COL4A4: variants seen among roughly 807,000 people sequenced by gnomAD.
COL4A4 encodes collagen alpha-4(IV) chain.
COL4A4 carries 105 observed loss-of-function variants against 192.9 expected under a neutral mutation model. That is an observed-to-expected ratio of 0.54 (90% CI 0.46 to 0.64). The LOEUF (loss-of-function observed/expected upper bound fraction) is 0.64. Ranked by LOEUF, COL4A4 falls within the 30% of genes least tolerant of loss-of-function variation. The pLI is 0.00. For synonymous variants in COL4A4, 762 were observed against 769.9 expected (o/e 0.99, Z 0.17); for missense variants, 1,967 against 2,169.3 (o/e 0.91, Z 1.85).
At chr2:227,065,973 T>G (rs1256095890) in intron 25 of COL4A4, among the ~76,000 whole-genome samples, 1 of 152,104 alleles carries the variant, frequency 6.6e-6, no homozygotes, top group Non-Finnish European at 1.5e-5. Flanking sequence ...GTTGAAAACT[T>G]TGAAAAGAAT....
rs953617111 is a variant in COL4A4, at chr2:227,089,558, G to A, written c.1459+310C>T. Among the ~76,000 whole-genome samples the A allele has an allele frequency of 6.5e-5, 9 of 137,940 alleles. No homozygotes were observed. In the South Asian group the frequency reaches 2.1e-3, roughly 33 times the overall value. 90.5% of individuals were successfully genotyped at this position (137,940 alleles called of 152,430 possible). ...GACCTTGTGAGCAAAGTCACCATTT[G>A]CAGACAAAATTCATGGCAGGCAAAT... On this transcript the variant is annotated intron_variant, in intron 21 of 47. Transcript: ENST00000396625.
chr2:227,062,683 T>C (rs1576239136), intron 25 of COL4A4, 85 bp from the exon 26 acceptor site: 1 of 921,264 alleles, frequency 1.1e-6, no homozygotes, highest in Non-Finnish European at 1.8e-6. Flanking sequence ...TTCCTCAAGA[T>C]ATTTTTCTGT....
chr2:227,138,461 G>A (rs1366873593), intron 4 of COL4A4, among the ~76,000 whole-genome samples: 4 of 152,012 alleles, frequency 2.6e-5, no homozygotes, highest in South Asian at 2.1e-4. Flanking sequence ...GTGAAATCCC[G>A]TCTCTACTAA....
chr2:227,011,108 C>G lies in COL4A4; in HGVS notation c.4334-607G>C, dbSNP rs10184983. Among the ~76,000 whole-genome samples, 769 of 152,320 alleles carry G rather than the reference C, an allele frequency of 5.0e-3. 5 individuals are homozygous for G. The highest frequency in any genetic ancestry group is 0.018 in the African/African-American group (730 of 41,572). On this transcript the variant is annotated intron_variant, in intron 45 of 47. Coordinates refer to ENST00000396625, the MANE Select transcript of COL4A4 (RefSeq NM_000092.5). Reference sequence around the variant, plus strand: ...GCATTCTTGTTGGCAGATGGGAAATCAACAGTTCTAGAGAACGTGAGCAGG... The same window carrying G: ...GCATTCTTGTTGGCAGATGGGAAATGAACAGTTCTAGAGAACGTGAGCAGG...
intron 20 of COL4A4, among the ~76,000 whole-genome samples, chr2:227,091,131 G>A (rs2059897094): frequency 6.6e-6 from 1 of 151,916 alleles, no homozygotes; most frequent in Non-Finnish European, 1.5e-5. Context: ...ATCACAGCAA[G>A]CTATTTTAAT....
At chr2:227,031,532 T>C (rs1968401851) in intron 40 of COL4A4, among the ~76,000 whole-genome samples, 1 of 152,206 alleles carries the variant, frequency 6.6e-6, no homozygotes, top group Non-Finnish European at 1.5e-5. Context: ...CTGTTTCTTG[T>C]GTGCCACAAG....
chr2:227,052,490 C>T (rs981830587), intron 31 of COL4A4, 78 bp from the exon 32 acceptor site: 1 of 873,710 alleles, frequency 1.1e-6, no homozygotes, highest in Non-Finnish European at 1.9e-6. Context: ...CATTTCACTC[C>T]CAAATCGCAA....
intron 22 of COL4A4, among the ~76,000 whole-genome samples, chr2:227,087,104 C>G (rs575039309): frequency 6.6e-6 from 1 of 152,196 alleles, no homozygotes; most frequent in Non-Finnish European, 1.5e-5. Flanking sequence ...AGGGCTCTCT[C>G]CAGTCTCCAG....
At chr2:227,017,859 C>T (rs1302348228) in intron 44 of COL4A4, among the ~76,000 whole-genome samples, 3 of 151,994 alleles carry the variant, frequency 2.0e-5, no homozygotes, top group African/African-American at 7.3e-5. Context: ...TAGGTAAACT[C>T]ATGTCATGGA....
At chr2:227,042,039 A>T in intron 37 of COL4A4, 109 bp downstream of exon 37, 1 of 786,018 alleles carries the variant, frequency 1.3e-6, no homozygotes, top group East Asian at 2.4e-5. Flanking sequence ...TACGGAAAAG[A>T]GTGGTATAAC....
chr2:227,157,358 A>C (rs1220105089), intron 1 of COL4A4, among the ~76,000 whole-genome samples: 2 of 152,114 alleles, frequency 1.3e-5, no homozygotes, highest in Non-Finnish European at 2.9e-5. Flanking sequence ...AAAATCAAGA[A>C]TCAATTACCT....
intron 4 of COL4A4, among the ~76,000 whole-genome samples, chr2:227,138,269 G>A (rs2062952957): frequency 3.3e-5 from 5 of 152,046 alleles, no homozygotes; most frequent in Admixed American, 2.0e-4. Flanking sequence ...AGTGAGCCAA[G>A]ATCATGCCAT....
At chr2:226,977,019 T>G in the COL4A4 span, among the ~76,000 whole-genome samples, 1 of 152,206 alleles carries the variant, frequency 6.6e-6, no homozygotes, top group Non-Finnish European at 1.5e-5. Context: ...GGTTTACCCT[T>G]CAGGCTGGGA....
rs116590531 is a variant in COL4A4 at position 227,150,408 on chromosome 2, G to A, written c.-101-2824C>T. On this transcript the variant is annotated intron_variant, in intron 1 of 47. Coordinates refer to ENST00000396625, the MANE Select transcript of COL4A4 (RefSeq NM_000092.5). ...TAGTAAGTGGCAGAACCAGTTTGTT[G>A]ACTCCAGTGTGTGTCCCTTCTCCCT... Among the ~76,000 whole-genome samples the A allele has an allele frequency of 6.0e-3, 920 of 152,238 alleles. 6 individuals are homozygous for A. The highest frequency in any genetic ancestry group is 0.021 in the African/African-American group (870 of 41,550).
In COL4A4 at chr2:227,108,930, CTTTT is replaced by C. The variant is rs1252694932; in HGVS notation, c.658-66_658-63del. 4.7e-6 allele frequency: 7 copies of C among 1,497,710 alleles called. No homozygotes were observed. In the African/African-American group the frequency reaches 6.9e-5, roughly 15 times the overall value. 92.8% of individuals were successfully genotyped at this position (1,497,710 alleles called of 1,614,324 possible). ...AGACATAGAAATCAGAATGTGCCTTCTTTTGTTACCCCAAAATAGGGTCCTATTT... is the reference window on the plus strand; with the variant it reads ...AGACATAGAAATCAGAATGTGCCTTCGTTACCCCAAAATAGGGTCCTATTT... On this transcript the variant is annotated intron_variant, in intron 10 of 47. Transcript: ENST00000396625.
At chr2:227,108,722 G>T in intron 11 of COL4A4, 100 bp from the exon 12 acceptor site, 2 of 1,520,374 alleles carry the variant, frequency 1.3e-6, no homozygotes, top group South Asian at 1.1e-5. Context: ...GCAGTTCATG[G>T]AATACTTTGG....
At chr2:227,136,639 C>T (rs569322750) in intron 4 of COL4A4, among the ~76,000 whole-genome samples, 3 of 152,292 alleles carry the variant, frequency 2.0e-5, no homozygotes, top group East Asian at 1.9e-4. Context: ...TAGCTCTCCT[C>T]TCCAGTTAAA....
chr2:227,053,749 G>A (rs143055156), intron 31 of COL4A4, among the ~76,000 whole-genome samples: 78 of 151,774 alleles, frequency 5.1e-4, no homozygotes, highest in African/African-American at 1.5e-3. Context: ...GGGTTTCGCC[G>A]TGTTACCAGG....
intron 1 of COL4A4, among the ~76,000 whole-genome samples, chr2:227,158,216 T>C (rs1256014715): frequency 6.6e-6 from 1 of 152,132 alleles, no homozygotes; most frequent in African/African-American, 2.4e-5. Context: ...AAAGGTGCCA[T>C]GGCAATCATG....
Sources: gnomAD v4.1 joint callset for allele counts (sites outside exome capture counted in the v4.1 genomes callset) on GRCh38, gnomAD v4.1.1 for gene constraint, MANE v1.5 for transcripts, NCBI Gene and HGNC (gene_info 2026-07-23, HGNC 2026-07-21) for gene names.